Variants in SULT4A1 observed in about 807,000 individuals in gnomAD.
The protein encoded by SULT4A1 is sulfotransferase family 4A member 1.
SULT4A1 carries 11 observed loss-of-function variants against 35.2 expected under a neutral mutation model. The ratio of observed to expected loss-of-function variants is 0.31; its 90% confidence interval spans 0.20 to 0.52. SULT4A1 has a LOEUF of 0.52. Ranked by LOEUF, SULT4A1 falls within the 20% of genes least tolerant of loss-of-function variation. SULT4A1 has a pLI of 0.97. For missense variants in SULT4A1, 271 were observed against 383.7 expected (o/e 0.71, Z 2.45); for synonymous variants, 152 against 151.8 (o/e 1.00, Z -0.01).
At chr22:43,838,301 C>T (rs913146902) in intron 4 of SULT4A1, among the ~76,000 whole-genome samples, 2 of 152,274 alleles carry the variant, frequency 1.3e-5, no homozygotes, top group African/African-American at 4.8e-5. Flanking sequence ...GAGAACAGCA[C>T]ATGGCACTCT....
chr22:43,834,418 A>C (rs77625464), intron 4 of SULT4A1, among the ~76,000 whole-genome samples: 9 of 49,522 alleles, frequency 1.8e-4, no homozygotes, highest in African/African-American at 5.2e-4. Flanking sequence ...TCCCGCAGCC[A>C]CACCGCGGCC....
chr22:43,826,538 A>C, intron 6 of SULT4A1: 1 of 985,428 alleles, frequency 1.0e-6, no homozygotes, highest in African/African-American at 1.7e-5. Context: ...TGGGCATCAC[A>C]GGCAGCCCTG....
intron 1 of SULT4A1, among the ~76,000 whole-genome samples, chr22:43,860,541 C>T (rs2049454546): frequency 6.6e-6 from 1 of 152,196 alleles, no homozygotes; most frequent in Non-Finnish European, 1.5e-5. Flanking sequence ...ATTCTATGAT[C>T]TGCCCAGGGT....
chr22:43,835,110 C>T (rs902321978), intron 4 of SULT4A1, among the ~76,000 whole-genome samples: 3 of 150,058 alleles, frequency 2.0e-5, no homozygotes, highest in African/African-American at 7.4e-5. Flanking sequence ...CCTGAGCTTC[C>T]CGCAGCCACA....
intron 1 of SULT4A1, among the ~76,000 whole-genome samples, chr22:43,853,741 C>T (rs997563275): frequency 9.9e-5 from 15 of 152,264 alleles, no homozygotes; most frequent in Non-Finnish European, 1.6e-4. Context: ...AGGCCTTTAG[C>T]TCTTCTGTTC....
intron 5 of SULT4A1, 62 bp downstream of exon 5, chr22:43,833,578 G>T: frequency 7.3e-7 from 1 of 1,364,564 alleles, no homozygotes; most frequent in South Asian, 1.3e-5. Flanking sequence ...GGGCTCCTGC[G>T]TCAGGAGCTG....
intron 5 of SULT4A1, among the ~76,000 whole-genome samples, chr22:43,832,963 G>C (rs2071885): frequency 0.2 from 30,539 of 152,038 alleles, 3,762 homozygotes; most frequent in East Asian, 0.49. Flanking sequence ...AGCCCCACAG[G>C]CTGGCCTTGT....
chr22:43,843,724 AC>A (rs1271225405), intron 1 of SULT4A1, among the ~76,000 whole-genome samples: 1 of 152,140 alleles, frequency 6.6e-6, no homozygotes, highest in Non-Finnish European at 1.5e-5. Flanking sequence ...GAAGCTCCGT[AC>A]CCTCCTCCAT....
intron 5 of SULT4A1, among the ~76,000 whole-genome samples, chr22:43,830,768 C>T (rs561516084): frequency 1.3e-4 from 20 of 152,270 alleles, no homozygotes; most frequent in Admixed American, 3.9e-4. Context: ...ACTGTAATTG[C>T]GGTGCAGTGG....
rs182528692 is a variant in SULT4A1, at chr22:43,830,506, C to T, written c.604-1308G>A. Among the ~76,000 whole-genome samples, 356 of 152,324 alleles carry T rather than the reference C, an allele frequency of 2.3e-3. 1 individual carries two copies. Among genetic ancestry groups the T allele is most frequent in the Admixed American group, 3.9e-3 (59 of 15,312 alleles). On this transcript the variant is annotated intron_variant, in intron 5 of 6. Coordinates refer to ENST00000330884, the MANE Select transcript of SULT4A1 (RefSeq NM_014351.4). The stretch of plus-strand genomic sequence containing the variant: ...GAACGCCCAGGTCAGCTGGCAGGAA[C>T]GGCCCACTTCACCTCTCTGAGCCAC...
At chr22:43,856,880 T>A (rs923989343) in intron 1 of SULT4A1, among the ~76,000 whole-genome samples, 1 of 151,998 alleles carries the variant, frequency 6.6e-6, no homozygotes, top group Non-Finnish European at 1.5e-5. Context: ...CTGACCTTAG[T>A]CTCTACTATC....
chr22:43,838,312 C>G (rs973232631), intron 4 of SULT4A1, among the ~76,000 whole-genome samples: 1 of 152,270 alleles, frequency 6.6e-6, no homozygotes, highest in Non-Finnish European at 1.5e-5. Context: ...ATGGCACTCT[C>G]GGCCCGGCTG....
chr22:43,830,815 C>T (rs2063320054), intron 5 of SULT4A1, among the ~76,000 whole-genome samples: 1 of 152,214 alleles, frequency 6.6e-6, no homozygotes, highest in African/African-American at 2.4e-5. Context: ...GAAGCATTCC[C>T]TCTCAACCCC....
Position 43,862,357 on chromosome 22 carries a change from G to C in SULT4A1, c.26C>G (p.Pro9Arg). 1.3e-6 allele frequency: 2 copies of C among 1,501,658 alleles called. No individual in the cohort carries two copies. The highest frequency in any genetic ancestry group is 1.8e-6 in the Non-Finnish European group (2 of 1,118,106). 93.0% of individuals were successfully genotyped at this position (1,501,658 alleles called of 1,614,324 possible). The part of the protein sequence containing the change: MAESEAET[P>R]STPGEFESKY... ...GCTCTCGAACTCCCCCGGGGTGCTG[G>C]GGGTCTCGGCCTCGCTCTCCGCCAT... The change falls in exon 1 of 7, where the codon CCC becomes CGC. Residue 9 changes from proline to arginine, a missense_variant. Physicochemically the swap from Pro to Arg is moderately radical, Grantham distance 103. Transcript: ENST00000330884.
chr22:43,830,079 C>T (rs1241737055), intron 5 of SULT4A1, among the ~76,000 whole-genome samples: 1 of 152,236 alleles, frequency 6.6e-6, no homozygotes, highest in African/African-American at 2.4e-5. Context: ...ACTCCTGCAG[C>T]AGCGGTTGCA....
chr22:43,825,992 T>C lies in SULT4A1; in HGVS notation c.*9A>G, dbSNP rs756291949. On this transcript the variant is annotated 3_prime_UTR_variant, in exon 7 of 7. Coordinates refer to ENST00000330884, the MANE Select transcript of SULT4A1 (RefSeq NM_014351.4). ...GGTATTGTGAGCATGCAGGTTGTTG[T>C]TTCTGTTATTATAAATAAAAGTCAA... 3 of 1,613,064 alleles carry C rather than the reference T, an allele frequency of 1.9e-6. No individual in the cohort carries two copies. Among genetic ancestry groups the C allele is most frequent in the South Asian group, 2.2e-5 (2 of 90,994 alleles).
intron 5 of SULT4A1, among the ~76,000 whole-genome samples, chr22:43,829,901 A>G (rs1282338462): frequency 6.6e-6 from 1 of 152,244 alleles, no homozygotes; most frequent in Non-Finnish European, 1.5e-5. Flanking sequence ...GAAGGTTTGT[A>G]AAGCAAATTC....
intron 4 of SULT4A1, 53 bp from the exon 5 acceptor site, chr22:43,833,787 A>C: frequency 1.4e-6 from 2 of 1,454,614 alleles, no homozygotes; most frequent in Non-Finnish European, 1.9e-6. Flanking sequence ...AGAAGCGCAC[A>C]CATGGGGCCA....
At chr22:43,830,644 C>T (rs1488540158) in intron 5 of SULT4A1, among the ~76,000 whole-genome samples, 1 of 152,246 alleles carries the variant, frequency 6.6e-6, no homozygotes, top group African/African-American at 2.4e-5. Flanking sequence ...GCTGGCCACA[C>T]GGTTGCAGTC....
Sources: gnomAD v4.1 joint callset for allele counts (sites outside exome capture counted in the v4.1 genomes callset) on GRCh38, gnomAD v4.1.1 for gene constraint, MANE v1.5 for transcripts, NCBI Gene and HGNC (gene_info 2026-07-23, HGNC 2026-07-21) for gene names.